The following ATL3 variants were observed in gnomAD, a reference collection of about 807,000 sequenced individuals.
ATL3 encodes the protein atlastin GTPase 3.
In ATL3, 49 loss-of-function variants were observed where a neutral mutation model predicts 69.5. The ratio of observed to expected loss-of-function variants is 0.71; its 90% CI spans 0.56 to 0.89. The LOEUF is 0.89. Ranked by LOEUF, ATL3 falls within the 40% of genes least tolerant of loss-of-function variation. ATL3 has a pLI of 0.00. For synonymous variants in ATL3, 214 were observed against 224.1 expected (o/e 0.95, Z 0.40); for missense variants, 606 against 645.7 (o/e 0.94, Z 0.67).
At chr11:63,629,502 C>T (rs1939235135) in intron 12 of ATL3, 97 bp from the exon 13 acceptor site, 14 of 1,016,316 alleles carry the variant, frequency 1.4e-5, no homozygotes, top group East Asian at 2.5e-5. Context: ...TCTCCATCAT[C>T]GGCATGTTAC....
chr11:63,663,722 A>C (rs1037724583), intron 1 of ATL3, among the ~76,000 whole-genome samples: 2 of 152,240 alleles, frequency 1.3e-5, no homozygotes, highest in African/African-American at 4.8e-5. Flanking sequence ...TGTAGCACTC[A>C]AAGAAATACA....
In ATL3 at chr11:63,658,779, C is replaced by T. The variant is rs1222572007; in HGVS notation, c.387G>A (p.Glu129=). Residue 129 remains glutamate (E), a synonymous_variant, in exon 3 of 13, where the codon GAG becomes GAA. Coordinates refer to ENST00000398868, the MANE Select transcript of ATL3 (RefSeq NM_015459.5). ...TCCTTACCTTCTTCCCACCTGGCTT[C>T]TCCACAGTGAAAACTTCACTCCAGA... The part of the protein sequence containing the change: ...IQIWSEVFTV[E]KPGGKKVAVV... 1.2e-6 allele frequency: 2 copies of T among 1,604,440 alleles called. No homozygotes were observed.
chr11:63,633,080 G>T lies in ATL3; in HGVS notation c.1053C>A (p.Asn351Lys). ...KSMLQATAEA[N>K]NLAAAASAKD... ...TGGCAGAGGCTGCAGCTGCTAAGTTGTTGGCTTCAGCAGTGGCCTTTTAAG... is the reference window on the plus strand; with the variant it reads ...TGGCAGAGGCTGCAGCTGCTAAGTTTTTGGCTTCAGCAGTGGCCTTTTAAG... The change falls in exon 11 of 13, where the codon AAC (asparagine) becomes AAA (lysine). Residue 351 changes from asparagine (N) to lysine (K), a missense_variant. Physicochemically the swap from Asn to Lys is moderately conservative, Grantham distance 94 (BLOSUM62 0). Transcript: ENST00000398868. 6.2e-7 allele frequency: 1 copy of T among 1,614,148 alleles called. No homozygotes were observed. Among genetic ancestry groups the T allele is most frequent in the Non-Finnish European group, 8.5e-7 (1 of 1,179,978 alleles).
At chr11:63,649,758 G>C (rs142278306) in intron 5 of ATL3, among the ~76,000 whole-genome samples, 7 of 151,594 alleles carry the variant, frequency 4.6e-5, no homozygotes, top group Non-Finnish European at 1.0e-4. Flanking sequence ...GACTGGTCTC[G>C]AACACCCAAA....
At chr11:63,653,738 G>GA (rs1940152804) in intron 3 of ATL3, among the ~76,000 whole-genome samples, 1 of 152,146 alleles carries the variant, frequency 6.6e-6, no homozygotes, top group Non-Finnish European at 1.5e-5. Flanking sequence ...AGGCCAATCT[G>GA]AAAAGGCTGC....
chr11:63,666,150 C>A (rs1248567843), intron 1 of ATL3, among the ~76,000 whole-genome samples: 2 of 152,130 alleles, frequency 1.3e-5, no homozygotes, highest in Non-Finnish European at 2.9e-5. Context: ...TCAAGCAATT[C>A]TCCTGCCTCA....
chr11:63,663,712 T>C (rs1373642442), intron 1 of ATL3, among the ~76,000 whole-genome samples: 2 of 152,170 alleles, frequency 1.3e-5, no homozygotes, highest in Non-Finnish European at 2.9e-5. Context: ...TTAAGTACTG[T>C]GTAGCACTCA....
intron 5 of ATL3, among the ~76,000 whole-genome samples, chr11:63,650,933 T>C (rs566678475): frequency 7.6e-4 from 115 of 152,266 alleles, no homozygotes; most frequent in Non-Finnish European, 1.3e-3. Flanking sequence ...ACATTAAGGA[T>C]CGAGGTTTAG....
At chr11:63,671,554 TAGGCG>T (rs1355511649), upstream of ATL3, 43 of 1,425,386 alleles carry the variant, frequency 3.0e-5, no homozygotes, top group South Asian at 5.7e-4. Flanking sequence ...AGGACGAGGC[TAGGCG>T]AGGCGGGGCG....
chr11:63,642,300 G>A (rs934583887), intron 8 of ATL3, among the ~76,000 whole-genome samples: 1 of 152,134 alleles, frequency 6.6e-6, no homozygotes, highest in Non-Finnish European at 1.5e-5. Context: ...CAAATAAAAG[G>A]TAAAGGTTAA....
In ATL3 at chr11:63,629,247, C is replaced by G; in HGVS notation, c.*72G>C. Reference sequence around the variant, plus strand: ...ATCTGCCATTCCTCTGGATATGAACCTGTGGCCGTGGCAGAAACCCAGAAA... The same window carrying G: ...ATCTGCCATTCCTCTGGATATGAACGTGTGGCCGTGGCAGAAACCCAGAAA... On this transcript the variant is annotated 3_prime_UTR_variant, in exon 13 of 13. Coordinates refer to ENST00000398868, the MANE Select transcript of ATL3 (RefSeq NM_015459.5). The G allele has an allele frequency of 8.0e-7, 1 of 1,248,470 alleles. No homozygotes were observed. The highest frequency in any genetic ancestry group is 1.2e-5 in the South Asian group (1 of 82,702). The allele number at this position is 1,248,470 out of a possible 1,614,324, so 77.3% of individuals were successfully genotyped here. A position where few individuals can be genotyped will look rare whatever the true frequency, so the allele number is the denominator to read the frequency against.
intron 12 of ATL3, among the ~76,000 whole-genome samples, chr11:63,630,108 A>G (rs1939255543): frequency 6.6e-6 from 1 of 152,032 alleles, no homozygotes; most frequent in Non-Finnish European, 1.5e-5. Flanking sequence ...TTATGTCTGA[A>G]GAGCATGTAA....
upstream of ATL3, chr11:63,671,460 G>T: frequency 6.7e-7 from 1 of 1,481,900 alleles, no homozygotes; most frequent in East Asian, 2.8e-5. Context: ...AAACTAGCCA[G>T]AAGGTGGGGC....
At chr11:63,665,914 G>C (rs970362432) in intron 1 of ATL3, among the ~76,000 whole-genome samples, 2 of 152,018 alleles carry the variant, frequency 1.3e-5, no homozygotes, top group African/African-American at 2.4e-5. Context: ...TTGGGTTTGG[G>C]CTTATGTAAG....
At chr11:63,671,000 A>G (rs972944842) in intron 1 of ATL3, among the ~76,000 whole-genome samples, 4 of 152,108 alleles carry the variant, frequency 2.6e-5, no homozygotes, top group Non-Finnish European at 5.9e-5. Context: ...GGGCAGCTGC[A>G]GCCCAGGGGA....
intron 1 of ATL3, among the ~76,000 whole-genome samples, chr11:63,661,888 C>CAA (rs527840648): frequency 1.2e-4 from 17 of 139,634 alleles, no homozygotes; most frequent in Non-Finnish European, 2.5e-4. Flanking sequence ...CACTCCGTCT[C>CAA]AAAAAAAAAA....
intron 8 of ATL3, among the ~76,000 whole-genome samples, chr11:63,639,302 T>G (rs186565732): frequency 6.6e-6 from 1 of 152,328 alleles, no homozygotes; most frequent in African/African-American, 2.4e-5. Context: ...AAATCTAAAA[T>G]GTACATAAAC....
At chr11:63,658,343 C>G (rs1320610424) in intron 3 of ATL3, among the ~76,000 whole-genome samples, 1 of 152,146 alleles carries the variant, frequency 6.6e-6, no homozygotes, top group African/African-American at 2.4e-5. Flanking sequence ...CAAGGAAACA[C>G]ATGTTGAAAT....
At position 63,659,108 on chromosome 11, in the gene ATL3, G is replaced by C. The variant is rs756376076; in HGVS notation, c.191C>G (p.Ser64Ter). The stretch of plus-strand genomic sequence containing the variant: ...GCCCTTTCGGAAGGCACCAGCCACT[G>C]AAACCACCACCACATCAAGATCTCG... ...HIRDLDVVVV[S>*]VAGAFRKGKS... is the part of the protein sequence containing the mutation. The change falls in exon 2 of 13, where the codon TCA becomes TGA. Residue 64 changes from serine (S) to a stop codon, truncating the protein, a stop_gained. Coordinates refer to ENST00000398868, the MANE Select transcript of ATL3 (RefSeq NM_015459.5). LOFTEE classifies it high-confidence loss of function. 3.7e-6 allele frequency: 6 copies of C among 1,614,046 alleles called. No individual in the cohort carries two copies. In the South Asian group the frequency reaches 6.6e-5, roughly 18 times the overall value.
Sources: allele counts gnomAD v4.1 joint callset (sites outside exome capture counted in the v4.1 genomes callset), GRCh38; gene constraint gnomAD v4.1.1; transcripts MANE v1.5; gene names NCBI Gene and HGNC (gene_info 2026-07-23, HGNC 2026-07-21).